The following KCNQ5 variants were observed in gnomAD, a reference collection of about 807,000 sequenced individuals.
The protein encoded by KCNQ5 is potassium voltage-gated channel subfamily KQT member 5.
Under a neutral mutation model 98.2 loss-of-function variants are expected in KCNQ5, and 30 were observed. That is an observed-to-expected ratio of 0.31 (90% CI 0.23 to 0.41). The LOEUF (loss-of-function observed/expected upper bound fraction) is 0.41. Among genes scored for constraint, KCNQ5 ranks in the 10% least tolerant of loss-of-function variants. The probability of loss-of-function intolerance (pLI) is 1.00; values close to 1 mark genes in which losing one functional copy is unlikely to be tolerated. For missense variants in KCNQ5, 835 were observed against 1,182.5 expected (o/e 0.71, Z 4.31); for synonymous variants, 458 against 449.4 (o/e 1.02, Z -0.24).
intron 10 of KCNQ5, among the ~76,000 whole-genome samples, chr6:73,164,926 A>T (rs1056288731): frequency 6.6e-6 from 1 of 151,984 alleles, no homozygotes; most frequent in African/African-American, 2.4e-5. Context: ...AAGCAGTCAT[A>T]TGCCTCTGTT....
At chr6:72,666,456 C>T (rs1054749707) in intron 1 of KCNQ5, among the ~76,000 whole-genome samples, 4 of 152,062 alleles carry the variant, frequency 2.6e-5, no homozygotes, top group African/African-American at 4.8e-5. Flanking sequence ...TAATATTTTT[C>T]GCCAAATTTA....
intron 1 of KCNQ5, among the ~76,000 whole-genome samples, chr6:72,721,840 C>G (rs770035796): frequency 4.6e-5 from 7 of 152,116 alleles, no homozygotes; most frequent in Non-Finnish European, 1.0e-4. Context: ...TATGGCTGTC[C>G]TACCTTATGG....
chr6:73,067,264 G>T (rs1433227221), intron 3 of KCNQ5, among the ~76,000 whole-genome samples: 2 of 152,098 alleles, frequency 1.3e-5, no homozygotes, highest in Non-Finnish European at 2.9e-5. Flanking sequence ...TTGATTTTTG[G>T]CTCCATTTAC....
intron 1 of KCNQ5, among the ~76,000 whole-genome samples, chr6:72,916,847 C>T (rs1411494817): frequency 6.6e-6 from 1 of 152,146 alleles, no homozygotes; most frequent in African/African-American, 2.4e-5. Context: ...AATGATGCCT[C>T]TAAGATGGAG....
At chr6:72,683,908 A>G (rs1369701072) in intron 1 of KCNQ5, among the ~76,000 whole-genome samples, 2 of 152,074 alleles carry the variant, frequency 1.3e-5, no homozygotes, top group Admixed American at 1.3e-4. Context: ...TTATGTTTTC[A>G]CATCATTTTC....
intron 1 of KCNQ5, among the ~76,000 whole-genome samples, chr6:72,929,506 A>G (rs111304940): frequency 7.9e-5 from 12 of 152,308 alleles, no homozygotes; most frequent in African/African-American, 2.6e-4. Flanking sequence ...TTGCAGAACC[A>G]ACTTCATGTG....
intron 10 of KCNQ5, among the ~76,000 whole-genome samples, chr6:73,155,002 G>A (rs1777307923): frequency 6.6e-6 from 1 of 152,150 alleles, no homozygotes; most frequent in Non-Finnish European, 1.5e-5. Context: ...AAGGAAAGGG[G>A]CTTGTAAACA....
intron 1 of KCNQ5, among the ~76,000 whole-genome samples, chr6:72,844,998 G>T (rs182385573): frequency 1.3e-5 from 2 of 152,308 alleles, no homozygotes; most frequent in African/African-American, 4.8e-5. Flanking sequence ...TTAAGTCCAA[G>T]AAACTATAAT....
intron 5 of KCNQ5, among the ~76,000 whole-genome samples, chr6:73,098,590 G>A (rs1332530795): frequency 6.6e-6 from 1 of 152,190 alleles, no homozygotes; most frequent in African/African-American, 2.4e-5. Flanking sequence ...CCAGGAAAGA[G>A]TGGCATGGCA....
chr6:73,110,928 C>T (rs1775219003), intron 6 of KCNQ5, among the ~76,000 whole-genome samples: 1 of 152,296 alleles, frequency 6.6e-6, no homozygotes, highest in South Asian at 2.1e-4. Context: ...TACATTCCAT[C>T]ACTGGATGAG....
At chr6:72,721,509 ACTGTGGT>A (rs889755135) in intron 1 of KCNQ5, among the ~76,000 whole-genome samples, 40 of 152,060 alleles carry the variant, frequency 2.6e-4, no homozygotes, top group Non-Finnish European at 5.7e-4. Flanking sequence ...CATTTCCCAA[ACTGTGGT>A]CTTGGACTTA....
intron 1 of KCNQ5, among the ~76,000 whole-genome samples, chr6:72,913,121 T>G (rs1237262185): frequency 6.6e-6 from 1 of 152,120 alleles, no homozygotes; most frequent in Non-Finnish European, 1.5e-5. Flanking sequence ...TAAGCCTAAT[T>G]TAATTTAGAT....
intron 5 of KCNQ5, among the ~76,000 whole-genome samples, chr6:73,080,282 C>T (rs1198860954): frequency 1.3e-5 from 2 of 152,024 alleles, no homozygotes; most frequent in Non-Finnish European, 2.9e-5. Context: ...TTAACAGGTT[C>T]CTGAATGGCC....
At chr6:72,859,886 G>A (rs1035923029) in intron 1 of KCNQ5, among the ~76,000 whole-genome samples, 15 of 151,690 alleles carry the variant, frequency 9.9e-5, no homozygotes, top group African/African-American at 3.6e-4. Context: ...CACTGTGCCT[G>A]ACCTGTTCCT....
chr6:72,705,254 A>G (rs543733731), intron 1 of KCNQ5, among the ~76,000 whole-genome samples: 2 of 152,314 alleles, frequency 1.3e-5, no homozygotes, highest in African/African-American at 4.8e-5. Context: ...ATCCTGGATC[A>G]TTAGAATTCA....
chr6:73,161,975 G>C (rs12200591), intron 10 of KCNQ5, among the ~76,000 whole-genome samples: 14,267 of 152,066 alleles, frequency 0.094, 698 homozygotes, highest in African/African-American at 0.12. Context: ...AGAGTGCAAT[G>C]GTGCGATCTT....
At chr6:72,814,029 G>A (rs1039423881) in intron 1 of KCNQ5, among the ~76,000 whole-genome samples, 1 of 152,072 alleles carries the variant, frequency 6.6e-6, no homozygotes, top group Non-Finnish European at 1.5e-5. Context: ...AGAGCCTATG[G>A]GGCCAGGCAG....
rs1765768834 is a variant in KCNQ5 at position 73,195,692 on chromosome 6, T to C, written c.*278T>C. 5.6e-6 allele frequency: 2 copies of C among 357,680 alleles called. No homozygotes were observed. The highest frequency in any genetic ancestry group is 1.0e-5 in the Non-Finnish European group (2 of 195,036). 22.2% of individuals were successfully genotyped at this position (357,680 alleles called of 1,614,324 possible). ...GCTAATGCTATGGGGTGTATGAATA[T>C]GTCAAGTTTAGGTCATTTAGAAGAT... On this transcript the variant is annotated 3_prime_UTR_variant, in exon 14 of 14. Coordinates refer to ENST00000370398, the MANE Select transcript of KCNQ5 (RefSeq NM_019842.4).
chr6:72,789,119 C>G (rs1315066270), intron 1 of KCNQ5, among the ~76,000 whole-genome samples: 1 of 152,100 alleles, frequency 6.6e-6, no homozygotes, highest in Non-Finnish European at 1.5e-5. Flanking sequence ...AGCTACTAAT[C>G]TAAACCCACC....
Sources: allele counts gnomAD v4.1 joint callset (sites outside exome capture counted in the v4.1 genomes callset), GRCh38; gene constraint gnomAD v4.1.1; transcripts MANE v1.5; gene names NCBI Gene and HGNC (gene_info 2026-07-23, HGNC 2026-07-21).